RPA3: variants seen among roughly 807,000 people sequenced by gnomAD.
The protein encoded by RPA3 is replication protein A 14 kDa subunit.
In RPA3, 24 loss-of-function variants were observed where a neutral mutation model predicts 13.7. The observed-to-expected ratio is 1.75, with a 90% CI of 1.27 to 2.46. The LOEUF is 2.46. Among genes scored for constraint, RPA3 ranks in the 30% most tolerant of loss-of-function variants. The pLI is 0.00. For synonymous variants in RPA3, 59 were observed against 51.2 expected (o/e 1.15, Z -0.65); for missense variants, 183 against 151.0 (o/e 1.21, Z -1.11).
intron 2 of RPA3, among the ~76,000 whole-genome samples, chr7:7,708,281 C>G (rs1195168649): frequency 2.6e-5 from 4 of 152,094 alleles, no homozygotes; most frequent in African/African-American, 9.7e-5. Context: ...GATTTACAAC[C>G]CTCCCTTTCA....
At chr7:7,648,389 A>G (rs1049100679) in intron 4 of RPA3, among the ~76,000 whole-genome samples, 3 of 151,924 alleles carry the variant, frequency 2.0e-5, no homozygotes, top group African/African-American at 7.3e-5. Flanking sequence ...CTTTTTTTGT[A>G]TTCTTATGTT....
At chr7:7,713,066 C>T (rs886863551) in intron 2 of RPA3, among the ~76,000 whole-genome samples, 4 of 152,030 alleles carry the variant, frequency 2.6e-5, no homozygotes, top group South Asian at 2.1e-4. Flanking sequence ...GGGCCGCGCG[C>T]GGTGGCTCAC....
intron 4 of RPA3, among the ~76,000 whole-genome samples, chr7:7,656,725 A>T (rs1480904566): frequency 6.6e-6 from 1 of 152,134 alleles, no homozygotes; most frequent in Non-Finnish European, 1.5e-5. Flanking sequence ...ATTGATCGGC[A>T]TTTGGTTTGG....
At chr7:7,716,580 G>A (rs1160440364) in intron 1 of RPA3, among the ~76,000 whole-genome samples, 1 of 152,204 alleles carries the variant, frequency 6.6e-6, no homozygotes, top group African/African-American at 2.4e-5. Context: ...TTGTCACCAC[G>A]TGCACAGTAA....
Position 7,636,957 on chromosome 7 carries a change from C to T in RPA3, c.*43G>A, listed in dbSNP as rs1373195310. 3 of 1,398,368 alleles carry T rather than the reference C, an allele frequency of 2.1e-6. No individual in the cohort carries two copies. Among genetic ancestry groups the T allele is most frequent in the Non-Finnish European group, 2.0e-6 (2 of 986,866 alleles). The allele number at this position is 1,398,368 out of a possible 1,614,324, so 86.6% of individuals were successfully genotyped here. A position where few individuals can be genotyped will look rare whatever the true frequency, so the allele number is the denominator to read the frequency against. ...AACAAGAAGGGCTTCCTTTAATAGA[C>T]TTTAATATAGCTCATTTACAATCGT... On this transcript the variant is annotated 3_prime_UTR_variant, in exon 8 of 8. Transcript: ENST00000223129.
intron 2 of RPA3, among the ~76,000 whole-genome samples, chr7:7,702,247 A>G (rs937886391): frequency 3.9e-5 from 6 of 152,236 alleles, no homozygotes; most frequent in African/African-American, 1.4e-4. Flanking sequence ...CTAAATCTTT[A>G]TTAAATAATT....
intron 5 of RPA3, among the ~76,000 whole-genome samples, chr7:7,639,381 G>T (rs888472428): frequency 7.9e-5 from 12 of 152,160 alleles, no homozygotes; most frequent in Admixed American, 3.3e-4. Flanking sequence ...TGTTAAGTAG[G>T]TTCTGTATTT....
At chr7:7,684,759 C>T (rs558391148) in intron 4 of RPA3, among the ~76,000 whole-genome samples, 1 of 152,166 alleles carries the variant, frequency 6.6e-6, no homozygotes, top group Non-Finnish European at 1.5e-5. Context: ...AGATTAACAC[C>T]CGTAAACTTT....
At chr7:7,661,559 G>C (rs535409179) in intron 4 of RPA3, among the ~76,000 whole-genome samples, 1 of 152,218 alleles carries the variant, frequency 6.6e-6, no homozygotes. Context: ...CTTCTGACAG[G>C]CCCGTGTGCT....
chr7:7,676,027 G>A (rs1779729697), intron 4 of RPA3: 1 of 397,522 alleles, frequency 2.5e-6, no homozygotes. Context: ...GTATCAGTCA[G>A]CATCATGTCT....
chr7:7,704,139 T>C (rs6969950), intron 2 of RPA3, among the ~76,000 whole-genome samples: 3,956 of 152,212 alleles, frequency 0.026, 178 homozygotes, highest in African/African-American at 0.091. Flanking sequence ...CAACACATCA[T>C]GATAGTCTGA....
At chr7:7,698,500 T>C (rs1780371151) in intron 2 of RPA3, among the ~76,000 whole-genome samples, 1 of 152,210 alleles carries the variant, frequency 6.6e-6, no homozygotes, top group Admixed American at 6.5e-5. Flanking sequence ...TTTAACAAAA[T>C]GTGTTTGAGG....
Position 7,645,782 on chromosome 7 carries a change from T to C in RPA3, c.-757-4607A>G, listed in dbSNP as rs577780804. ...TATGATATATTGTCTTTTATATATATTCCTGGATTTGATTTGCTGTTGTTT... is the reference window on the plus strand; with the variant it reads ...TATGATATATTGTCTTTTATATATACTCCTGGATTTGATTTGCTGTTGTTT... On this transcript the variant is annotated intron_variant, in intron 4 of 7. Coordinates refer to ENST00000223129, the MANE Select transcript of RPA3 (RefSeq NM_002947.5). Among the ~76,000 whole-genome samples the C allele has an allele frequency of 2.6e-5, 4 of 151,922 alleles. 1 individual carries two copies. The highest frequency in any genetic ancestry group is 9.7e-5 in the African/African-American group (4 of 41,340).
intron 4 of RPA3, among the ~76,000 whole-genome samples, chr7:7,671,353 C>A (rs1779601077): frequency 6.6e-6 from 1 of 152,104 alleles, no homozygotes; most frequent in African/African-American, 2.4e-5. Flanking sequence ...AGTTGGAGAC[C>A]CACACCCTTA....
intron 4 of RPA3, among the ~76,000 whole-genome samples, chr7:7,656,822 A>G (rs1333956412): frequency 2.0e-5 from 3 of 152,190 alleles, no homozygotes; most frequent in South Asian, 4.1e-4. Flanking sequence ...TCCTTTGGGT[A>G]TATACCCAGT....
Position 7,636,790 on chromosome 7 carries a change from C to T in RPA3, c.*210G>A. Reference sequence around the variant, plus strand: ...CAACTGCTTTATTCTTGCATCTAATCTGACCATATATTGGAGTAGCAATTC... The same window carrying T: ...CAACTGCTTTATTCTTGCATCTAATTTGACCATATATTGGAGTAGCAATTC... On this transcript the variant is annotated 3_prime_UTR_variant, in exon 8 of 8. Coordinates refer to ENST00000223129, the MANE Select transcript of RPA3 (RefSeq NM_002947.5). 1 of 499,018 alleles carries T rather than the reference C, an allele frequency of 2.0e-6. No homozygotes were observed. The highest frequency in any genetic ancestry group is 3.5e-6 in the Non-Finnish European group (1 of 285,368). The allele number at this position is 499,018 out of a possible 1,614,324, so 30.9% of individuals were successfully genotyped here. A position where few individuals can be genotyped will look rare whatever the true frequency, so the allele number is the denominator to read the frequency against.
intron 4 of RPA3, among the ~76,000 whole-genome samples, chr7:7,683,983 C>T (rs1253865162): frequency 5.3e-5 from 8 of 152,140 alleles, no homozygotes; most frequent in Admixed American, 3.9e-4. Context: ...AAATTGGTTC[C>T]AAGACCCCCG....
At chr7:7,671,338 G>A (rs2115104976) in intron 4 of RPA3, among the ~76,000 whole-genome samples, 1 of 152,200 alleles carries the variant, frequency 6.6e-6, no homozygotes, top group South Asian at 2.1e-4. Context: ...GCTCCACAAG[G>A]CTTCAGTTGG....
At chr7:7,686,708 G>T (rs1780049179) in intron 3 of RPA3, among the ~76,000 whole-genome samples, 1 of 152,092 alleles carries the variant, frequency 6.6e-6, no homozygotes, top group Admixed American at 6.5e-5. Context: ...TGTGATATGG[G>T]GCAGACACTA....
Sources: allele counts gnomAD v4.1 joint callset (sites outside exome capture counted in the v4.1 genomes callset), GRCh38; gene constraint gnomAD v4.1.1; transcripts MANE v1.5; gene names NCBI Gene and HGNC (gene_info 2026-07-23, HGNC 2026-07-21).